EP400: variants seen among roughly 807,000 people sequenced by gnomAD.
EP400 encodes E1A binding protein p400, also known as E1A-binding protein p400.
In EP400, 105 loss-of-function variants were observed where a neutral mutation model predicts 354.1. The observed-to-expected ratio is 0.30, with a 90% CI of 0.25 to 0.35. The LOEUF (loss-of-function observed/expected upper bound fraction) is 0.35, where lower values mean the gene tolerates loss of function less well. EP400 is among the 10% of genes least tolerant of loss of function. EP400 has a pLI of 1.00. For missense variants in EP400, 3,280 were observed against 4,121.0 expected (o/e 0.80, Z 5.59); for synonymous variants, 1,646 against 1,716.9 (o/e 0.96, Z 1.02).
intron 22 of EP400, 105 bp downstream of exon 22, chr12:132,020,323 T>C: frequency 7.3e-7 from 1 of 1,363,182 alleles, no homozygotes; most frequent in Non-Finnish European, 9.9e-7. Context: ...TGTCCCTGAG[T>C]GGGAACAGGC....
intron 2 of EP400, among the ~76,000 whole-genome samples, chr12:131,977,123 TTTTTTG>T (rs747177550): frequency 3.9e-4 from 60 of 152,174 alleles, no homozygotes; most frequent in Non-Finnish European, 6.6e-4. Flanking sequence ...CTGGATTATG[TTTTTTG>T]TTTTTGTTTT....
intron 32 of EP400, among the ~76,000 whole-genome samples, chr12:132,041,364 G>A (rs898566854): frequency 3.3e-5 from 5 of 152,260 alleles, no homozygotes; most frequent in African/African-American, 1.2e-4. Flanking sequence ...CCAGCATCTG[G>A]TGGAGGAGGA....
At chr12:131,963,625 C>G in intron 2 of EP400, 2 of 1,598,062 alleles carry the variant, frequency 1.3e-6, no homozygotes, top group South Asian at 2.2e-5. Flanking sequence ...TTTTTCATCC[C>G]AGCAGCAACC....
chr12:132,030,877 C>G (rs1894466449), intron 29 of EP400, among the ~76,000 whole-genome samples: 1 of 152,162 alleles, frequency 6.6e-6, no homozygotes, highest in African/African-American at 2.4e-5. Context: ...TGTGCTAGGC[C>G]CTTGTCAGCA....
chr12:132,032,239 G>A, intron 30 of EP400, 90 bp downstream of exon 30: 2 of 1,413,690 alleles, frequency 1.4e-6, no homozygotes, highest in Non-Finnish European at 1.9e-6. Context: ...TGGAAATGGA[G>A]TCAATGAGAA....
Position 132,077,436 on chromosome 12 carries a change from G to T in EP400, c.9135G>T (p.Thr3045=), listed in dbSNP as rs531958361. The T allele has an allele frequency of 3.1e-6, 5 of 1,612,786 alleles. No individual in the cohort carries two copies. The Admixed American group carries it at 8.3e-5, about 27-fold the overall frequency. The change falls in exon 53 of 53, where the codon ACG becomes ACT. Residue 3045 remains threonine, a synonymous_variant. Transcript: ENST00000389561. ...SPQTVALTQA[T]AAGQQVQMIP... ...AGACTGTGGCGCTCACGCAGGCGAC[G>T]GCGGCCGGGCAGCAGGTGCAGATGA... is the stretch of plus-strand genomic sequence containing the variant.
At chr12:131,991,025 G>A (rs1207618444) in intron 9 of EP400, among the ~76,000 whole-genome samples, 1 of 152,182 alleles carries the variant, frequency 6.6e-6, no homozygotes, top group Non-Finnish European at 1.5e-5. Context: ...TGGGTGCCTG[G>A]CTGGGTGACG....
intron 11 of EP400, among the ~76,000 whole-genome samples, chr12:131,992,653 A>G (rs998092878): frequency 2.0e-5 from 3 of 152,210 alleles, no homozygotes; most frequent in East Asian, 1.9e-4. Context: ...ATACCTGAGC[A>G]CTCAGTGTGT....
intron 16 of EP400, among the ~76,000 whole-genome samples, chr12:132,012,479 A>T (rs1893798584): frequency 6.6e-6 from 1 of 152,182 alleles, no homozygotes; most frequent in Non-Finnish European, 1.5e-5. Context: ...GCCCTTTCAT[A>T]CTGCACAAGT....
At chr12:132,006,974 C>A in intron 15 of EP400, 97 bp downstream of exon 15, 1 of 1,371,242 alleles carries the variant, frequency 7.3e-7, no homozygotes, top group Non-Finnish European at 1.0e-6. Context: ...GCTATCTTAT[C>A]TACTTCTTTG....
At chr12:131,987,214 A>C (rs1272673647) in intron 6 of EP400, among the ~76,000 whole-genome samples, 2 of 152,174 alleles carry the variant, frequency 1.3e-5, no homozygotes, top group African/African-American at 4.8e-5. Context: ...CTAAGCATTT[A>C]TTTTGTTCAA....
Position 132,013,452 on chromosome 12 carries a change from C to T in EP400, c.3612-38C>T. 6.6e-7 allele frequency: 1 copy of T among 1,523,584 alleles called. No homozygotes were observed. The highest frequency in any genetic ancestry group is 8.8e-7 in the Non-Finnish European group (1 of 1,135,566). 94.4% of individuals were successfully genotyped at this position (1,523,584 alleles called of 1,614,324 possible). On this transcript the variant is annotated intron_variant, in intron 17 of 52. Coordinates refer to ENST00000389561, the MANE Select transcript of EP400 (RefSeq NM_015409.5). This position sits in a 1 kb window ranked among gnomAD's most constrained non-coding sequence, Gnocchi z 4.5. ...GATGCTGCTGCAGCCAGCCCCGTGGCTGTAGAACTCCAGTGTTGTCTCTTG... is the reference window on the plus strand; with the variant it reads ...GATGCTGCTGCAGCCAGCCCCGTGGTTGTAGAACTCCAGTGTTGTCTCTTG...
chr12:132,077,323 A>T, intron 52 of EP400, 78 bp from the exon 53 acceptor site: 1 of 1,529,526 alleles, frequency 6.5e-7, no homozygotes, highest in Non-Finnish European at 8.8e-7. Flanking sequence ...AGTCCTCCCC[A>T]TCCCAAAGAA....
At chr12:132,032,621 A>AGTT (rs1894553960) in intron 30 of EP400, among the ~76,000 whole-genome samples, 1 of 149,354 alleles carries the variant, frequency 6.7e-6, no homozygotes, top group African/African-American at 2.5e-5. Flanking sequence ...AAAGAGAATT[A>AGTT]GTTTTTTTTT....
intron 1 of EP400, among the ~76,000 whole-genome samples, chr12:131,950,923 A>G (rs1213525444): frequency 2.0e-5 from 3 of 151,310 alleles, no homozygotes; most frequent in South Asian, 4.2e-4. Flanking sequence ...CTTTTGAGAA[A>G]GAGTCTCTCT....
In EP400 at chr12:132,043,478, C is replaced by T. The variant is rs1565926599; in HGVS notation, c.6366+16C>T. On this transcript the variant is annotated intron_variant, in intron 33 of 52. Coordinates refer to ENST00000389561, the MANE Select transcript of EP400 (RefSeq NM_015409.5). The stretch of plus-strand genomic sequence containing the variant: ...CATGGAGCAGGTTTGGGCATGTTTT[C>T]CTTTACAACTACATATTTTAAAAAT... 3 of 1,608,928 alleles carry T rather than the reference C, an allele frequency of 1.9e-6. No individual in the cohort carries two copies. The highest frequency in any genetic ancestry group is 1.7e-6 in the Non-Finnish European group (2 of 1,179,170).
intron 5 of EP400, among the ~76,000 whole-genome samples, chr12:131,986,267 C>T (rs1892850087): frequency 6.6e-6 from 1 of 152,240 alleles, no homozygotes; most frequent in South Asian, 2.1e-4. Flanking sequence ...GCATGAGCCA[C>T]TGGGCATGGC....
In EP400 at chr12:132,018,943, A is replaced by T. The variant is rs1193946695; in HGVS notation, c.4277+567A>T. Among the ~76,000 whole-genome samples the T allele has an allele frequency of 6.6e-6, 1 of 152,232 alleles. No homozygotes were observed. Among genetic ancestry groups the T allele is most frequent in the Non-Finnish European group, 1.5e-5 (1 of 68,028 alleles). On this transcript the variant is annotated intron_variant, in intron 21 of 52. Coordinates refer to ENST00000389561, the MANE Select transcript of EP400 (RefSeq NM_015409.5). The surrounding 1 kb of genome is among the most constrained non-coding windows in gnomAD (Gnocchi z 4.0). Reference sequence around the variant, plus strand: ...AAAGGAAATAGGTATTTGGAGATGAAGGGGCCAGCTCTGCAGACAGTCTTG... The same window carrying T: ...AAAGGAAATAGGTATTTGGAGATGATGGGGCCAGCTCTGCAGACAGTCTTG...
In EP400 at chr12:132,067,263, T is replaced by C. The variant is rs1477449540; in HGVS notation, c.8750-99T>C. 6.6e-7 allele frequency: 1 copy of C among 1,504,028 alleles called. No individual in the cohort carries two copies. The highest frequency in any genetic ancestry group is 2.0e-4 in the Middle Eastern group (1 of 5,040). The allele number at this position is 1,504,028 out of a possible 1,614,324, so 93.2% of individuals were successfully genotyped here. On this transcript the variant is annotated intron_variant, in intron 49 of 52. Transcript: ENST00000389561. The surrounding 1 kb of genome is among the most constrained non-coding windows in gnomAD (Gnocchi z 5.3). ...CTTGTCTCCATAGAGTTTCATAGTT[T>C]GTTATTTTCTGTAGAGGTGAGTCAG...
Sources: allele counts gnomAD v4.1 joint callset (sites outside exome capture counted in the v4.1 genomes callset), GRCh38; gene constraint gnomAD v4.1.1; non-coding constraint Gnocchi (gnomAD v3.1); transcripts MANE v1.5; gene names NCBI Gene and HGNC (gene_info 2026-07-23, HGNC 2026-07-21).